PVRIG: variants seen among roughly 807,000 people sequenced by gnomAD.
PVRIG encodes the protein transmembrane protein PVRIG.
A neutral mutation model predicts 21.9 loss-of-function variants in PVRIG; 16 were observed. The ratio of observed to expected loss-of-function variants is 0.73; its 90% CI spans 0.50 to 1.11. PVRIG has a LOEUF of 1.11. PVRIG is among the 50% of genes most tolerant of loss of function. The pLI, the probability that PVRIG is intolerant of heterozygous loss-of-function variation, is 0.00. For synonymous variants in PVRIG, 190 were observed against 181.0 expected (o/e 1.05, Z -0.40); for missense variants, 435 against 445.7 (o/e 0.98, Z 0.22).
Position 100,220,538 on chromosome 7 carries a change from C to T in PVRIG, c.470-9C>T, listed in dbSNP as rs374975548. ...TGGCCACCCATCTGATTCTTGTCTC[C>T]GTGCCCAGGGCTCTCTGCCCCGCCG... is the stretch of plus-strand genomic sequence containing the variant. On this transcript the variant is annotated splice_polypyrimidine_tract_variant and intron_variant, in intron 3 of 5. Coordinates refer to ENST00000317271, the Ensembl canonical transcript of PVRIG. The T allele has an allele frequency of 1.9e-4, 309 of 1,611,214 alleles. No homozygotes were observed. Among genetic ancestry groups the T allele is most frequent in the East Asian group, 1.2e-3 (54 of 44,854 alleles).
chr7:100,220,335 A>C, exon 3 of PVRIG: 1 of 1,557,520 alleles, frequency 6.4e-7, no homozygotes, highest in Non-Finnish European at 8.7e-7. Context: ...CCAGAGCAGC[A>C]TCTCTCTCAT....
exon 6 of PVRIG, chr7:100,221,263 A>G: frequency 6.5e-7 from 1 of 1,537,964 alleles, no homozygotes. Flanking sequence ...AGAGACCATG[A>G]GGCCACTGGG....
rs758006148 is a variant in PVRIG at position 100,220,896 on chromosome 7, C to T, written c.658-32C>T. The T allele has an allele frequency of 1.9e-6, 3 of 1,586,854 alleles. No homozygotes were observed. In the African/African-American group the frequency reaches 4.1e-5, roughly 22 times the overall value. ...GGGCCAGGGCTGGGCCCAAGCTGTGCAGACTCACTTGACCCTCCTTCCCCC... is the reference window on the plus strand; with the variant it reads ...GGGCCAGGGCTGGGCCCAAGCTGTGTAGACTCACTTGACCCTCCTTCCCCC... On this transcript the variant is annotated intron_variant, in intron 5 of 5. Transcript: ENST00000317271.
At position 100,220,911 on chromosome 7, in the gene PVRIG, C is replaced by T; in HGVS notation, c.658-17C>T. 6.3e-7 allele frequency: 1 copy of T among 1,577,482 alleles called. No homozygotes were observed. Among genetic ancestry groups the T allele is most frequent in the Non-Finnish European group, 8.6e-7 (1 of 1,160,420 alleles). On this transcript the variant is annotated splice_polypyrimidine_tract_variant and intron_variant, in intron 5 of 5. Coordinates refer to ENST00000317271, the Ensembl canonical transcript of PVRIG. ...CCAAGCTGTGCAGACTCACTTGACC[C>T]TCCTTCCCCCGCGCAGGCACCAAGC...
exon 3 of PVRIG, chr7:100,220,133 T>A (rs1803122691): frequency 1.9e-6 from 3 of 1,599,524 alleles, no homozygotes; most frequent in Non-Finnish European, 2.6e-6. Flanking sequence ...AGGTGTGGGT[T>A]CAAGTTCGGA....
In PVRIG at chr7:100,220,477, C is replaced by T. The variant is rs200763091; in HGVS notation, c.469+13C>T. 7,160 of 1,611,940 alleles carry T rather than the reference C, an allele frequency of 4.4e-3. 27 individuals carry two copies. Among genetic ancestry groups the T allele is most frequent in the Non-Finnish European group, 5.4e-3 (6,322 of 1,179,318 alleles). On this transcript the variant is annotated intron_variant, in intron 3 of 5. Coordinates refer to ENST00000317271, the Ensembl canonical transcript of PVRIG. ...AGCTCAGACCCAGGTGGGGCCGGGG[C>T]GAGGGGTCCAGGAGGGCAGGGAGGG...
Position 100,220,833 on chromosome 7 carries a change from C to T in PVRIG, c.657+13C>T, listed in dbSNP as rs201856689. 9.9e-5 allele frequency: 159 copies of T among 1,607,526 alleles called. 1 individual carries two copies. The highest frequency in any genetic ancestry group is 1.8e-4 in the Middle Eastern group (1 of 5,714). ...AGCACGAGCATGGGTGAGGAGGGGA[C>T]CTGCTTTGGGGATGAGGTGACAGGG... On this transcript the variant is annotated intron_variant, in intron 5 of 5. Coordinates refer to ENST00000317271, the Ensembl canonical transcript of PVRIG.
At chr7:100,219,423 G>C (rs1353674417) in intron 1 of PVRIG, 1 of 208,418 alleles carries the variant, frequency 4.8e-6, no homozygotes, top group East Asian at 1.6e-4. Context: ...TAGATCAGGA[G>C]GTATGAGTGG....
At chr7:100,220,093 G>A (rs187691795) in intron 2 of PVRIG, 21 bp from the exon 2 acceptor site, 13 of 1,602,326 alleles carry the variant, frequency 8.1e-6, no homozygotes, top group Non-Finnish European at 1.0e-5. Context: ...ACAGCCCACC[G>A]ACCTTGCTGC....
rs749295970 is a variant in PVRIG, at chr7:100,220,218, G to A, written c.223G>A (p.Val75Met). The change falls in exon 3 of 6, where the codon GTG (valine) becomes ATG (methionine). Residue 75 changes from valine to methionine, a missense_variant. Transcript: ENST00000317271. ...GTCTGGCTCCATCTCCCTGGTGACT[G>A]TGAGCTGGGGGGGCCCCAACGGTGC... 12 of 1,593,530 alleles carry A rather than the reference G, an allele frequency of 7.5e-6. No homozygotes were observed. Among genetic ancestry groups the A allele is most frequent in the African/African-American group, 1.3e-5 (1 of 74,670 alleles).
intron 5 of PVRIG, 30 bp from the exon 5 acceptor site, chr7:100,220,896 CAG>C: frequency 6.3e-7 from 1 of 1,586,972 alleles, no homozygotes; most frequent in Non-Finnish European, 8.6e-7. Flanking sequence ...CCAAGCTGTG[CAG>C]ACTCACTTGA....
At chr7:100,219,928 G>T in exon 2 of PVRIG, 1 of 1,549,952 alleles carries the variant, frequency 6.5e-7, no homozygotes, top group Non-Finnish European at 8.7e-7. Context: ...CAGAGGCACA[G>T]GTGCCGGCCC....
exon 2 of PVRIG, chr7:100,219,896 T>C (rs1271856071): frequency 6.5e-7 from 1 of 1,545,562 alleles, no homozygotes; most frequent in Non-Finnish European, 8.7e-7. Flanking sequence ...GCTGACAACA[T>C]GAAGACTTCC....
chr7:100,220,522 A>G (rs1803158335), intron 3 of PVRIG, 25 bp from the exon 3 acceptor site: 1 of 1,611,242 alleles, frequency 6.2e-7, no homozygotes, highest in African/African-American at 1.3e-5. Context: ...CTGGCCACCC[A>G]TCTGATTCTT....
intron 1 of PVRIG, chr7:100,219,600 T>G (rs1177667004): frequency 1.6e-5 from 7 of 444,246 alleles, no homozygotes; most frequent in Non-Finnish European, 2.8e-5. Flanking sequence ...CTTAGCTGGG[T>G]GAGGGGCGGG....
At chr7:100,219,607 C>T (rs766664814) in intron 1 of PVRIG, 8 of 476,998 alleles carry the variant, frequency 1.7e-5, no homozygotes, top group South Asian at 2.3e-5. Flanking sequence ...GGGTGAGGGG[C>T]GGGACAGAGC....
rs1269778472 is a variant in PVRIG at position 100,220,239 on chromosome 7, G to A, written c.244G>A (p.Gly82Ser). The change falls in exon 3 of 6, where the codon GGT (glycine) becomes AGT (serine). Residue 82 changes from glycine to serine, a missense_variant. By Grantham distance (56) the Gly-to-Ser change is moderately conservative (BLOSUM62 0). Coordinates refer to ENST00000317271, the Ensembl canonical transcript of PVRIG. ...GACTGTGAGCTGGGGGGGCCCCAAC[G>A]GTGCTGGGGGGACCACGCTGGCTGT... The A allele has an allele frequency of 8.2e-6, 13 of 1,577,688 alleles. No homozygotes were observed. The highest frequency in any genetic ancestry group is 1.9e-4 in the Middle Eastern group (1 of 5,356).
In PVRIG at chr7:100,220,665, T is replaced by G. The variant is rs748955352; in HGVS notation, c.588T>G (p.His196Gln). 2.2e-5 allele frequency: 36 copies of G among 1,610,854 alleles called. No individual in the cohort carries two copies. The highest frequency in any genetic ancestry group is 5.3e-5 in the African/African-American group (4 of 74,814). Residue 196 changes from histidine to glutamine, a missense_variant, in exon 4 of 6, where the codon CAT becomes CAG. His to Gln is a conservative substitution (Grantham distance 24). Transcript: ENST00000317271. ...ACCTCCTTCATCTGCTGCGCCGACA[T>G]AAGCACCGGTGAGACCTGGTCCCTG...
chr7:100,220,795 C>T, exon 5 of PVRIG: 1 of 1,606,190 alleles, frequency 6.2e-7, no homozygotes, highest in Non-Finnish European at 8.5e-7. Flanking sequence ...CGCACCAGCC[C>T]CCAGGCACCG....
Sources: gnomAD v4.1 joint callset for allele counts on GRCh38, gnomAD v4.1.1 for gene constraint, MANE v1.5 for transcripts, NCBI Gene and HGNC (gene_info 2026-07-23, HGNC 2026-07-21) for gene names.